Variants in CSMD1 observed in about 807,000 individuals in gnomAD.
CSMD1 encodes the protein CUB and Sushi multiple domains 1, also known as CUB and sushi domain-containing protein 1.
In CSMD1, 213 loss-of-function variants were observed where a neutral mutation model predicts 417.5. The ratio of observed to expected loss-of-function variants is 0.51; its 90% CI spans 0.46 to 0.57. The LOEUF is 0.57. Among genes scored for constraint, CSMD1 ranks in the 20% least tolerant of loss-of-function variants. The pLI is 0.00. For missense variants in CSMD1, 6,923 were observed against 4,529.7 expected (o/e 1.53, Z -15.17); for synonymous variants, 2,862 against 1,736.8 (o/e 1.65, Z -16.11).
chr8:3,192,032 G>A lies in CSMD1; in HGVS notation c.5195-1917C>T, dbSNP rs139661276. Among the ~76,000 whole-genome samples, 589 of 152,214 alleles carry A rather than the reference G, an allele frequency of 3.9e-3. 4 individuals carry two copies. Among genetic ancestry groups the A allele is most frequent in the African/African-American group, 0.014 (562 of 41,522 alleles). Reference sequence around the variant, plus strand: ...TTATTTTCTGTTGAATCAGACCAACGACAGACATTATTTGGGTAACTGCTG... The same window carrying A: ...TTATTTTCTGTTGAATCAGACCAACAACAGACATTATTTGGGTAACTGCTG... On this transcript the variant is annotated intron_variant, in intron 33 of 69. Transcript: ENST00000635120.
At chr8:3,667,130 G>C (rs552844213) in intron 7 of CSMD1, among the ~76,000 whole-genome samples, 34 of 152,114 alleles carry the variant, frequency 2.2e-4, no homozygotes, top group African/African-American at 8.0e-4. Context: ...ACACCAGTTT[G>C]GGAGTGAGGT....
chr8:4,564,630 A>C (rs764513343), intron 2 of CSMD1, among the ~76,000 whole-genome samples: 6 of 152,206 alleles, frequency 3.9e-5, no homozygotes, highest in Non-Finnish European at 8.8e-5. Context: ...TGTCACATAA[A>C]CTAATCTGAC....
intron 10 of CSMD1, among the ~76,000 whole-genome samples, chr8:3,549,587 G>A (rs528479525): frequency 4.3e-4 from 65 of 152,264 alleles, no homozygotes; most frequent in South Asian, 6.2e-4. Flanking sequence ...ATGAATTACT[G>A]GATTATTGTG....
chr8:4,004,435 A>T (rs1180823671), intron 4 of CSMD1, among the ~76,000 whole-genome samples: 19 of 147,374 alleles, frequency 1.3e-4, no homozygotes, highest in African/African-American at 1.5e-4. Context: ...TTTTTTTTTT[A>T]AAGGAAAGGC....
chr8:4,395,663 T>C (rs1045044983), intron 3 of CSMD1, among the ~76,000 whole-genome samples: 2 of 152,142 alleles, frequency 1.3e-5, no homozygotes, highest in South Asian at 2.1e-4. Context: ...TAAGACTCTG[T>C]TCCAAAAGCT....
chr8:3,274,883 G>T (rs1021815884), intron 26 of CSMD1, among the ~76,000 whole-genome samples: 2 of 152,074 alleles, frequency 1.3e-5, no homozygotes, highest in African/African-American at 4.8e-5. Flanking sequence ...TCTGTGTCCA[G>T]TTTGCCAGTC....
intron 7 of CSMD1, among the ~76,000 whole-genome samples, chr8:3,637,748 T>A (rs1439355081): frequency 2.0e-5 from 3 of 152,142 alleles, no homozygotes; most frequent in Non-Finnish European, 2.9e-5. Flanking sequence ...CCCACCCAAA[T>A]CTCATCTTGA....
At chr8:3,551,087 G>A (rs1798889815) in intron 10 of CSMD1, among the ~76,000 whole-genome samples, 1 of 152,130 alleles carries the variant, frequency 6.6e-6, no homozygotes, top group African/African-American at 2.4e-5. Flanking sequence ...GGCAGAACAA[G>A]GTAGCAGTTA....
At chr8:3,673,867 T>C (rs569146849) in intron 7 of CSMD1, among the ~76,000 whole-genome samples, 4 of 152,152 alleles carry the variant, frequency 2.6e-5, no homozygotes, top group East Asian at 3.9e-4. Flanking sequence ...CCTGTAATCC[T>C]AGCACTTTGG....
intron 12 of CSMD1, among the ~76,000 whole-genome samples, chr8:3,453,979 T>C (rs1296516265): frequency 1.3e-5 from 2 of 152,178 alleles, no homozygotes; most frequent in Non-Finnish European, 2.9e-5. Flanking sequence ...GGACTTGCTT[T>C]ATGAATCTGG....
intron 1 of CSMD1, among the ~76,000 whole-genome samples, chr8:4,941,785 G>C (rs1423673014): frequency 6.6e-6 from 1 of 151,976 alleles, no homozygotes; most frequent in Non-Finnish European, 1.5e-5. Context: ...CTTTTGTAGG[G>C]ACAGGGTCTC....
chr8:3,448,198 C>T (rs775743471), intron 12 of CSMD1, among the ~76,000 whole-genome samples: 1 of 149,344 alleles, frequency 6.7e-6, no homozygotes, highest in East Asian at 2.0e-4. Context: ...AAATAAAAAG[C>T]CTGTCTGTGT....
Position 2,950,218 on chromosome 8 carries a change from C to T in CSMD1, c.10314+13G>A, listed in dbSNP as rs776372320. 1.1e-5 allele frequency: 16 copies of T among 1,490,094 alleles called. No individual in the cohort carries two copies. Among genetic ancestry groups the T allele is most frequent in the Admixed American group, 3.3e-5 (2 of 59,808 alleles). 92.3% of individuals were successfully genotyped at this position (1,490,094 alleles called of 1,614,324 possible). ...AGCCTGTGCTTTGTCACAGACCTTA[C>T]ACATGTACTTACATAACCATCTAGT... On this transcript the variant is annotated intron_variant, in intron 67 of 69. Transcript: ENST00000635120.
At chr8:3,924,043 G>A (rs1374372880) in intron 5 of CSMD1, among the ~76,000 whole-genome samples, 1 of 152,146 alleles carries the variant, frequency 6.6e-6, no homozygotes, top group Non-Finnish European at 1.5e-5. Flanking sequence ...ATTTCAATTT[G>A]AAGGACTCCC....
intron 3 of CSMD1, among the ~76,000 whole-genome samples, chr8:4,376,960 G>A (rs902299666): frequency 2.6e-5 from 4 of 152,200 alleles, no homozygotes; most frequent in South Asian, 2.1e-4. Context: ...TCCACTCACC[G>A]CACAGGTGCT....
intron 10 of CSMD1, among the ~76,000 whole-genome samples, chr8:3,563,325 G>C (rs1799553096): frequency 6.6e-6 from 1 of 150,778 alleles, no homozygotes; most frequent in South Asian, 2.1e-4. Flanking sequence ...AATATAAAAG[G>C]TTTTGCTTTG....
intron 12 of CSMD1, among the ~76,000 whole-genome samples, chr8:3,434,607 G>C (rs1814426747): frequency 6.6e-6 from 1 of 152,092 alleles, no homozygotes; most frequent in Non-Finnish European, 1.5e-5. Flanking sequence ...AAAATCATGA[G>C]GAAATCCCAT....
chr8:3,575,211 C>T lies in CSMD1; in HGVS notation c.1223-145G>A, dbSNP rs1025949624. 1.8e-5 allele frequency: 15 copies of T among 841,784 alleles called. No homozygotes were observed. In the African/African-American group the frequency reaches 2.6e-4, roughly 15 times the overall value. 52.1% of individuals were successfully genotyped at this position (841,784 alleles called of 1,614,324 possible). On this transcript the variant is annotated intron_variant, in intron 9 of 69. Transcript: ENST00000635120. Reference sequence around the variant, plus strand: ...AATGGTGCATGGACTCCAACTGGGGCATGGACTCCAGTCAGCAAGTGGATT... The same window carrying T: ...AATGGTGCATGGACTCCAACTGGGGTATGGACTCCAGTCAGCAAGTGGATT...
intron 3 of CSMD1, among the ~76,000 whole-genome samples, chr8:4,310,247 G>C (rs1798486808): frequency 1.3e-5 from 2 of 151,944 alleles, no homozygotes; most frequent in South Asian, 4.1e-4. Context: ...TTATCACACA[G>C]AAAAATATGA....
Sources: gnomAD v4.1 joint callset for allele counts (sites outside exome capture counted in the v4.1 genomes callset) on GRCh38, gnomAD v4.1.1 for gene constraint, MANE v1.5 for transcripts, NCBI Gene and HGNC (gene_info 2026-07-23, HGNC 2026-07-21) for gene names.